The following FRAS1 variants were observed in gnomAD, a reference collection of about 807,000 sequenced individuals.
FRAS1 encodes the protein extracellular matrix organizing protein FRAS1.
FRAS1 carries 290 observed loss-of-function variants against 435.2 expected under a neutral mutation model. That is an observed-to-expected ratio of 0.67 (90% CI 0.61 to 0.73). FRAS1 has a LOEUF of 0.73. Among genes scored for constraint, FRAS1 ranks in the 30% least tolerant of loss-of-function variants. The pLI is 0.00. For synonymous variants in FRAS1, 1,800 were observed against 1,851.0 expected (o/e 0.97, Z 0.71); for missense variants, 4,860 against 5,001.5 (o/e 0.97, Z 0.85).
intron 2 of FRAS1, among the ~76,000 whole-genome samples, chr4:78,067,672 T>TTATTATTA: frequency 8.0e-6 from 1 of 125,748 alleles, no homozygotes; most frequent in East Asian, 2.3e-4. Context: ...TTTTCTTTCT[T>TTATTATTA]TTATTATTAT....
chr4:78,256,777 T>C (rs1243168808), intron 6 of FRAS1, among the ~76,000 whole-genome samples: 1 of 152,206 alleles, frequency 6.6e-6, no homozygotes, highest in Non-Finnish European at 1.5e-5. Context: ...TGGAAATAGA[T>C]TTATTTTAAT....
rs1389732626 is a variant in FRAS1, at chr4:78,280,579, A to AT, written c.1072-819_1072-818insT. Among the ~76,000 whole-genome samples the AT allele has an allele frequency of 4.9e-4, 62 of 126,244 alleles. 1 individual carries two copies. In the East Asian group the frequency reaches 0.018, roughly 36 times the overall value. The allele number at this position is 126,244 out of a possible 152,430, so 82.8% of individuals were successfully genotyped here. ...TTGACTGGTAAACTGATTCCTCCAT[A>AT]CTTTTTTTTTTTTTTTTGATTTGGG... On this transcript the variant is annotated intron_variant, in intron 10 of 73. Transcript: ENST00000512123.
intron 63 of FRAS1, among the ~76,000 whole-genome samples, chr4:78,510,869 G>T (rs928452552): frequency 5.9e-5 from 9 of 152,204 alleles, no homozygotes; most frequent in African/African-American, 2.2e-4. Flanking sequence ...TGGGAAGGAA[G>T]CATATTTCCT....
Position 78,208,332 on chromosome 4 carries a change from A to G in FRAS1, c.109-29178A>G, listed in dbSNP as rs1480444723. The stretch of plus-strand genomic sequence containing the variant: ...CTAGATCTTCCCTCTGACATAGCCA[A>G]CCCATTAAGAAGGAATCAGAAAAAC... On this transcript the variant is annotated intron_variant, in intron 2 of 73. Coordinates refer to ENST00000512123, the MANE Select transcript of FRAS1 (RefSeq NM_025074.7). Among the ~76,000 whole-genome samples, 3 of 152,166 alleles carry G rather than the reference A, an allele frequency of 2.0e-5. No individual in the cohort carries two copies. In the East Asian group the frequency reaches 5.8e-4, roughly 29 times the overall value.
intron 18 of FRAS1, chr4:78,319,791 G>A (rs1189220466): frequency 1.2e-5 from 2 of 172,468 alleles, no homozygotes; most frequent in African/African-American, 4.8e-5. Context: ...TCTACTCACT[G>A]AAGTGGCCTC....
At chr4:78,262,184 A>G (rs1041775347) in intron 6 of FRAS1, among the ~76,000 whole-genome samples, 1 of 152,196 alleles carries the variant, frequency 6.6e-6, no homozygotes, top group Admixed American at 6.5e-5. Context: ...CAAAAAACTC[A>G]GATCCTCAGC....
At chr4:78,501,104 T>C (rs981084067) in intron 61 of FRAS1, among the ~76,000 whole-genome samples, 6 of 152,192 alleles carry the variant, frequency 3.9e-5, no homozygotes, top group African/African-American at 1.4e-4. Flanking sequence ...CTCCCAGTGC[T>C]ATCCCTCCCC....
At chr4:78,473,704 G>A (rs1578345180) in intron 53 of FRAS1, 107 bp downstream of exon 53, 1 of 696,376 alleles carries the variant, frequency 1.4e-6, no homozygotes, top group Non-Finnish European at 2.3e-6. Flanking sequence ...TGATGGCGGT[G>A]ATGGTGATGA....
intron 60 of FRAS1, among the ~76,000 whole-genome samples, chr4:78,498,596 A>G (rs1046139325): frequency 1.4e-4 from 21 of 152,154 alleles, no homozygotes; most frequent in African/African-American, 4.6e-4. Flanking sequence ...TAAAACCTCA[A>G]ATGAGGCTTA....
At chr4:78,338,799 A>C (rs539568464) in intron 20 of FRAS1, among the ~76,000 whole-genome samples, 2 of 152,238 alleles carry the variant, frequency 1.3e-5, no homozygotes, top group South Asian at 2.1e-4. Context: ...TGGTGGATTG[A>C]GGGTGGGGCG....
intron 20 of FRAS1, among the ~76,000 whole-genome samples, chr4:78,355,263 G>A (rs533946643): frequency 1.2e-3 from 173 of 138,840 alleles, no homozygotes; most frequent in Non-Finnish European, 2.5e-3. Context: ...TATTAGCAAG[G>A]AGGTACATAT....
intron 59 of FRAS1, among the ~76,000 whole-genome samples, chr4:78,492,125 A>G (rs749581208): frequency 6.6e-6 from 1 of 152,224 alleles, no homozygotes; most frequent in Non-Finnish European, 1.5e-5. Context: ...GAGAACTACA[A>G]ACCACTGCTC....
At chr4:78,086,406 G>C (rs1741168709) in intron 2 of FRAS1, among the ~76,000 whole-genome samples, 1 of 152,044 alleles carries the variant, frequency 6.6e-6, no homozygotes, top group African/African-American at 2.4e-5. Flanking sequence ...GCTAGCAGAA[G>C]GCAAGAAATA....
chr4:78,375,879 G>A lies in FRAS1; in HGVS notation c.3292G>A (p.Gly1098Ser), dbSNP rs1427668050. 2 of 1,613,704 alleles carry A rather than the reference G, an allele frequency of 1.2e-6. No homozygotes were observed. The highest frequency in any genetic ancestry group is 8.5e-7 in the Non-Finnish European group (1 of 1,179,766). ...CCACACCTCTAATGAAACATGTTCT[G>A]GTAAGTGCTTCTCCTCAGATGGTCT... ...SVHTSNETCSGKIHTPSLHVN... is the reference protein window; with the variant it reads ...SVHTSNETCSSKIHTPSLHVN... The change falls in exon 26 of 74, where the codon GGC (glycine) becomes AGC (serine). Residue 1098 changes from glycine to serine, a missense_variant and splice_region_variant. By Grantham distance (56) the Gly-to-Ser change is moderately conservative. Transcript: ENST00000512123.
chr4:78,073,851 C>A (rs1344838681), intron 2 of FRAS1, among the ~76,000 whole-genome samples: 3 of 152,118 alleles, frequency 2.0e-5, no homozygotes, highest in Non-Finnish European at 4.4e-5. Flanking sequence ...TTCTGTGACA[C>A]TTAAACATAA....
intron 14 of FRAS1, among the ~76,000 whole-genome samples, chr4:78,287,517 G>A (rs1727669029): frequency 6.6e-6 from 1 of 152,170 alleles, no homozygotes; most frequent in Non-Finnish European, 1.5e-5. Context: ...ATGCCAGGGA[G>A]ATGTGATAGC....
At chr4:78,114,185 T>C (rs1022076355) in intron 2 of FRAS1, among the ~76,000 whole-genome samples, 1 of 152,242 alleles carries the variant, frequency 6.6e-6, no homozygotes, top group African/African-American at 2.4e-5. Context: ...TCCATTGGTC[T>C]ATATATCTGT....
intron 29 of FRAS1, among the ~76,000 whole-genome samples, chr4:78,399,327 ATTC>A (rs541535550): frequency 2.1e-4 from 32 of 152,190 alleles, no homozygotes; most frequent in Non-Finnish European, 4.0e-4. Context: ...TTTTCAGAGT[ATTC>A]TTCTCCTGGG....
intron 22 of FRAS1, among the ~76,000 whole-genome samples, chr4:78,365,136 A>G (rs1328519045): frequency 6.6e-6 from 1 of 152,232 alleles, no homozygotes; most frequent in Non-Finnish European, 1.5e-5. Context: ...ATAAAGTAGT[A>G]AAGATATTTC....
Sources: gnomAD v4.1 joint callset for allele counts (sites outside exome capture counted in the v4.1 genomes callset) on GRCh38, gnomAD v4.1.1 for gene constraint, MANE v1.5 for transcripts, NCBI Gene and HGNC (gene_info 2026-07-23, HGNC 2026-07-21) for gene names.